The following AKAP6 variants were observed in gnomAD, a reference collection of about 807,000 sequenced individuals.
AKAP6 encodes the protein A-kinase anchor protein 6.
In AKAP6, 58 loss-of-function variants were observed where a neutral mutation model predicts 188.5. The ratio of observed to expected loss-of-function variants is 0.31; its 90% CI spans 0.25 to 0.38. The LOEUF (loss-of-function observed/expected upper bound fraction) is 0.38, where lower values mean the gene tolerates loss of function less well. AKAP6 is among the 10% of genes least tolerant of loss of function. The probability of loss-of-function intolerance (pLI) is 1.00; values close to 1 mark genes in which losing one functional copy is unlikely to be tolerated. For missense variants in AKAP6, 2,710 were observed against 2,740.0 expected, an observed-to-expected ratio of 0.99 and a Z score of 0.24; for synonymous variants, 989 against 998.6, an observed-to-expected ratio of 0.99 and a Z score of 0.18.
At chr14:32,356,818 A>G (rs1387892389) in intron 1 of AKAP6, among the ~76,000 whole-genome samples, 2 of 151,908 alleles carry the variant, frequency 1.3e-5, no homozygotes, top group Non-Finnish European at 2.9e-5. Context: ...ACAGGCTATT[A>G]TATCCCCTAG....
intron 5 of AKAP6, among the ~76,000 whole-genome samples, chr14:32,582,905 A>G (rs1286747202): frequency 1.3e-5 from 2 of 152,058 alleles, no homozygotes; most frequent in Non-Finnish European, 2.9e-5. Flanking sequence ...TTTTTTTCAA[A>G]GTTTTTAACT....
rs140121928 is a variant in AKAP6, at chr14:32,829,983, A to T, written c.*178A>T. 2 of 702,498 alleles carry T rather than the reference A, an allele frequency of 2.8e-6. No homozygotes were observed. Among genetic ancestry groups the T allele is most frequent in the Non-Finnish European group, 5.2e-6 (2 of 384,712 alleles). 43.5% of individuals were successfully genotyped at this position (702,498 alleles called of 1,614,324 possible). ...TCTTCCTTCCAAATGTGTTTTCTCCACACAAGCCTTGTGATCTGAATGTGT... is the reference window on the plus strand; with the variant it reads ...TCTTCCTTCCAAATGTGTTTTCTCCTCACAAGCCTTGTGATCTGAATGTGT... On this transcript the variant is annotated 3_prime_UTR_variant, in exon 14 of 14. Transcript: ENST00000280979.
intron 12 of AKAP6, among the ~76,000 whole-genome samples, chr14:32,812,295 C>G (rs2300858): frequency 6.6e-6 from 1 of 152,110 alleles, no homozygotes; most frequent in South Asian, 2.1e-4. Flanking sequence ...TGTTATTTTT[C>G]TCTTGAACTT....
chr14:32,542,051 A>G (rs73269447), intron 3 of AKAP6, among the ~76,000 whole-genome samples: 7,079 of 152,194 alleles, frequency 0.047, 548 homozygotes, highest in African/African-American at 0.16. Context: ...CATGTACTAG[A>G]CTTACATATA....
At chr14:32,748,033 G>GA (rs2139892496) in intron 11 of AKAP6, among the ~76,000 whole-genome samples, 1 of 152,294 alleles carries the variant, frequency 6.6e-6, no homozygotes, top group East Asian at 1.9e-4. Flanking sequence ...TTATTGTCTT[G>GA]AAAATCAGAC....
At chr14:32,454,261 T>C (rs1302194128) in intron 2 of AKAP6, among the ~76,000 whole-genome samples, 1 of 152,204 alleles carries the variant, frequency 6.6e-6, no homozygotes, top group Non-Finnish European at 1.5e-5. Context: ...TAGCAATAAA[T>C]AACTAAGAGA....
intron 12 of AKAP6, among the ~76,000 whole-genome samples, chr14:32,784,487 G>A (rs2033344780): frequency 6.6e-6 from 1 of 152,134 alleles, no homozygotes; most frequent in Non-Finnish European, 1.5e-5. Flanking sequence ...TACATTGTGA[G>A]GAGACATGTT....
intron 12 of AKAP6, among the ~76,000 whole-genome samples, chr14:32,817,477 G>T (rs866596742): frequency 3.3e-5 from 4 of 122,582 alleles, no homozygotes; most frequent in East Asian, 2.5e-4. Flanking sequence ...GTGTGTGTGT[G>T]TGTGTGTCTG....
intron 13 of AKAP6, among the ~76,000 whole-genome samples, chr14:32,825,568 C>T (rs867221177): frequency 6.6e-6 from 1 of 152,162 alleles, no homozygotes; most frequent in Non-Finnish European, 1.5e-5. Context: ...AGTCATTCCA[C>T]TCTTCACATT....
chr14:32,591,863 C>T (rs1444584239), intron 5 of AKAP6, among the ~76,000 whole-genome samples: 3 of 152,020 alleles, frequency 2.0e-5, no homozygotes, highest in Admixed American at 1.3e-4. Flanking sequence ...ATTGTGGTAG[C>T]GGCTGACCAT....
chr14:32,728,283 T>C (rs2030981376), intron 9 of AKAP6, among the ~76,000 whole-genome samples: 1 of 150,548 alleles, frequency 6.6e-6, no homozygotes, highest in African/African-American at 2.5e-5. Context: ...GGTGTTTTGG[T>C]ATGTTCCTAG....
intron 8 of AKAP6, among the ~76,000 whole-genome samples, chr14:32,691,123 A>G (rs978280425): frequency 6.6e-6 from 1 of 152,176 alleles, no homozygotes; most frequent in Non-Finnish European, 1.5e-5. Context: ...AGGGACTCAT[A>G]GTTCTTATAT....
intron 12 of AKAP6, among the ~76,000 whole-genome samples, chr14:32,789,040 T>G (rs142489782): frequency 1.3e-5 from 2 of 152,244 alleles, no homozygotes; most frequent in African/African-American, 4.8e-5. Context: ...CTGCCACCTT[T>G]GGACAATACA....
At chr14:32,813,298 C>T (rs1422525175) in intron 12 of AKAP6, among the ~76,000 whole-genome samples, 5 of 152,086 alleles carry the variant, frequency 3.3e-5, no homozygotes, top group African/African-American at 4.8e-5. Context: ...AGGTACCTTA[C>T]CCACCTAGCA....
rs1340355658 is a variant in AKAP6, at chr14:32,386,001, GTATCTA to G, written c.-34-47445_-34-47440del. On this transcript the variant is annotated intron_variant, in intron 1 of 13. Coordinates refer to ENST00000280979, the MANE Select transcript of AKAP6 (RefSeq NM_004274.5). ...TATATAATACATATATTCATCATAT[GTATCTA>G]TATCTATATCTATCTATCTATCTAC... 2.0e-4 allele frequency among the ~76,000 whole-genome samples: 21 copies of G among 106,044 alleles called. 1 individual carries two copies. The East Asian group carries it at 4.6e-3, about 23-fold the overall frequency. The allele number at this position is 106,044 out of a possible 152,430, so 69.6% of individuals were successfully genotyped here.
chr14:32,536,104 C>T (rs1230919546), intron 3 of AKAP6, among the ~76,000 whole-genome samples: 1 of 152,190 alleles, frequency 6.6e-6, no homozygotes, highest in African/African-American at 2.4e-5. Flanking sequence ...TACTATGTGT[C>T]AGACACTCAG....
chr14:32,605,189 A>T (rs1886083272), intron 7 of AKAP6, among the ~76,000 whole-genome samples: 1 of 152,212 alleles, frequency 6.6e-6, no homozygotes, highest in African/African-American at 2.4e-5. Flanking sequence ...AATGGATCTG[A>T]TAAATACTCT....
intron 8 of AKAP6, among the ~76,000 whole-genome samples, chr14:32,687,400 A>ATCTCTCTCTCTCTC (rs71115092): frequency 1.6e-5 from 2 of 128,960 alleles, no homozygotes; most frequent in African/African-American, 2.8e-5. Context: ...CATACTAACT[A>ATCTCTCTCTCTCTC]TCTCTCTCTC....
At chr14:32,526,918 G>A (rs1882160128) in intron 2 of AKAP6, among the ~76,000 whole-genome samples, 1 of 152,106 alleles carries the variant, frequency 6.6e-6, no homozygotes, top group African/African-American at 2.4e-5. Context: ...CTCCCACTAG[G>A]GTGGTACATT....
Sources: gnomAD v4.1 joint callset for allele counts (sites outside exome capture counted in the v4.1 genomes callset) on GRCh38, gnomAD v4.1.1 for gene constraint, MANE v1.5 for transcripts, NCBI Gene and HGNC (gene_info 2026-07-23, HGNC 2026-07-21) for gene names.